The following HIP1 variants were observed in gnomAD, a reference collection of about 807,000 sequenced individuals.
HIP1 encodes the protein huntingtin-interacting protein 1.
Under a neutral mutation model 147.6 loss-of-function variants are expected in HIP1, and 65 were observed. The ratio of observed to expected loss-of-function variants is 0.44; its 90% CI spans 0.36 to 0.54. The LOEUF (loss-of-function observed/expected upper bound fraction) is 0.54. HIP1 is among the 20% of genes least tolerant of loss of function. The probability of loss-of-function intolerance (pLI) is 0.00; values close to 1 mark genes in which losing one functional copy is unlikely to be tolerated. For synonymous variants in HIP1, 479 were observed against 504.0 expected, an observed-to-expected ratio of 0.95 and a Z score of 0.67; for missense variants, 1,061 against 1,299.6, an observed-to-expected ratio of 0.82 and a Z score of 2.82.
intron 1 of HIP1, among the ~76,000 whole-genome samples, chr7:75,617,091 T>C (rs1194907003): frequency 6.6e-6 from 1 of 150,796 alleles, no homozygotes; most frequent in African/African-American, 2.4e-5. Flanking sequence ...TTTTTTTTTT[T>C]TTGAGATGGA....
intron 1 of HIP1, among the ~76,000 whole-genome samples, chr7:75,624,911 C>T (rs1797982092): frequency 6.6e-6 from 1 of 151,180 alleles, no homozygotes; most frequent in Non-Finnish European, 1.5e-5. Flanking sequence ...CCCTCTGTGT[C>T]TGTACATAGG....
chr7:75,715,089 G>A (rs1219689460), intron 1 of HIP1, among the ~76,000 whole-genome samples: 7 of 152,064 alleles, frequency 4.6e-5, no homozygotes, highest in Non-Finnish European at 7.4e-5. Flanking sequence ...TGCACATCGG[G>A]CAAGAAAACC....
chr7:75,682,342 G>A (rs1312476283), intron 1 of HIP1, among the ~76,000 whole-genome samples: 2 of 151,398 alleles, frequency 1.3e-5, no homozygotes, highest in Admixed American at 6.6e-5. Context: ...CTGCAGCCTC[G>A]AACTCCTGGG....
intron 1 of HIP1, among the ~76,000 whole-genome samples, chr7:75,602,013 T>G (rs1797001302): frequency 6.6e-6 from 1 of 151,326 alleles, no homozygotes; most frequent in African/African-American, 2.4e-5. Flanking sequence ...TTTTTTTTTT[T>G]CTGTTTAGAC....
intron 1 of HIP1, among the ~76,000 whole-genome samples, chr7:75,716,373 C>T (rs1277926378): frequency 6.6e-6 from 1 of 151,360 alleles, no homozygotes; most frequent in East Asian, 1.9e-4. Flanking sequence ...GATTAGCACA[C>T]CACCATGCCC....
At chr7:75,609,674 C>T (rs1797356330) in intron 1 of HIP1, among the ~76,000 whole-genome samples, 1 of 151,928 alleles carries the variant, frequency 6.6e-6, no homozygotes. Flanking sequence ...TCTTCTGCCT[C>T]AGTCTCCTGA....
At position 75,561,451 on chromosome 7, in the gene HIP1, T is replaced by C. The variant is rs587692667; in HGVS notation, c.1119-50A>G. ...TGCTTTCATAGTGCTTCTATCCCTC[T>C]GTTTTTAATTGTGAGCTCAGGGGAG... On this transcript the variant is annotated intron_variant, in intron 12 of 30. Transcript: ENST00000336926. 8 of 1,182,024 alleles carry C rather than the reference T, an allele frequency of 6.8e-6. No homozygotes were observed. The Admixed American group carries it at 1.2e-4, about 17-fold the overall frequency. 73.2% of individuals were successfully genotyped at this position (1,182,024 alleles called of 1,614,324 possible).
intron 1 of HIP1, among the ~76,000 whole-genome samples, chr7:75,602,700 T>C (rs1554503227): frequency 6.6e-6 from 1 of 151,768 alleles, no homozygotes. Context: ...TATCTCCTTA[T>C]ATATTTTCTT....
At chr7:75,573,367 G>A (rs1554497045) in intron 8 of HIP1, among the ~76,000 whole-genome samples, 3 of 152,170 alleles carry the variant, frequency 2.0e-5, no homozygotes, top group Non-Finnish European at 2.9e-5. Context: ...GGTACCCACT[G>A]CAGTCTCCTC....
Position 75,562,069 on chromosome 7 carries a change from T to C in HIP1, c.1118+4A>G. On this transcript the variant is annotated splice_donor_region_variant and intron_variant, in intron 12 of 30. Coordinates refer to ENST00000336926, the MANE Select transcript of HIP1 (RefSeq NM_005338.7). ...CCATCTGCTTGAACCCAGCTTGGACTCACTTCTCATCCTTGTTCACACCAT... is the reference window on the plus strand; with the variant it reads ...CCATCTGCTTGAACCCAGCTTGGACCCACTTCTCATCCTTGTTCACACCAT... 6.3e-7 allele frequency: 1 copy of C among 1,585,266 alleles called. No homozygotes were observed. The highest frequency in any genetic ancestry group is 8.7e-7 in the Non-Finnish European group (1 of 1,153,678).
intron 1 of HIP1, among the ~76,000 whole-genome samples, chr7:75,602,209 C>G (rs1306060446): frequency 6.6e-6 from 1 of 151,018 alleles, no homozygotes; most frequent in Non-Finnish European, 1.5e-5. Context: ...CTATGTTGAC[C>G]ATCCTGGTCT....
Position 75,737,660 on chromosome 7 carries a change from T to C in HIP1, c.120+1141A>G, listed in dbSNP as rs540446553. 3.3e-5 allele frequency among the ~76,000 whole-genome samples: 5 copies of C among 152,318 alleles called. No individual in the cohort carries two copies. The South Asian group carries it at 1.0e-3, about 32-fold the overall frequency. ...CGCGCCCGGCCAAAAGCTCTATTCT[T>C]TGAAAGATTCCATATACAGAACCTT... On this transcript the variant is annotated intron_variant, in intron 1 of 30. Transcript: ENST00000336926.
intron 1 of HIP1, among the ~76,000 whole-genome samples, chr7:75,732,600 C>T (rs554008474): frequency 6.6e-6 from 1 of 152,178 alleles, no homozygotes; most frequent in East Asian, 1.9e-4. Flanking sequence ...AGGCTGGTCT[C>T]GAACTCCTGG....
intron 1 of HIP1, among the ~76,000 whole-genome samples, chr7:75,720,953 G>A (rs62477605): frequency 0.023 from 3,460 of 150,204 alleles, 52 homozygotes; most frequent in Middle Eastern, 0.045. Context: ...CAGGAGAATC[G>A]CTTGAATCTG....
chr7:75,547,947 A>G, intron 23 of HIP1, 134 bp from the exon 24 acceptor site: 1 of 784,066 alleles, frequency 1.3e-6, no homozygotes. Flanking sequence ...CCCTGCCCAC[A>G]TTCTTGAGAG....
Position 75,556,820 on chromosome 7 carries a change from GA to G in HIP1, c.1582-10del. The G allele has an allele frequency of 6.4e-7, 1 of 1,553,682 alleles. No individual in the cohort carries two copies. Among genetic ancestry groups the G allele is most frequent in the Non-Finnish European group, 8.9e-7 (1 of 1,126,598 alleles). ...TCCAGCTGTTCTTGAGTCTGAAAGA[GA>G]AGAAAAACAGAGGGACTCTGATCTG... On this transcript the variant is annotated splice_polypyrimidine_tract_variant and intron_variant, in intron 16 of 30. Transcript: ENST00000336926.
chr7:75,730,224 G>C (rs113058832), intron 1 of HIP1, among the ~76,000 whole-genome samples: 13 of 152,008 alleles, frequency 8.6e-5, no homozygotes, highest in African/African-American at 3.1e-4. Flanking sequence ...ACAACGCCTT[G>C]GGGACCCCAA....
At chr7:75,692,707 G>A (rs1384676361) in intron 1 of HIP1, among the ~76,000 whole-genome samples, 1 of 151,776 alleles carries the variant, frequency 6.6e-6, no homozygotes, top group Non-Finnish European at 1.5e-5. Context: ...TGGGATTACA[G>A]GCATGAGCCA....
intron 1 of HIP1, among the ~76,000 whole-genome samples, chr7:75,642,121 G>A (rs976108387): frequency 1.3e-4 from 20 of 152,244 alleles, no homozygotes; most frequent in African/African-American, 2.6e-4. Context: ...ACAACAGGCC[G>A]GGTGCAGTGG....
Sources: gnomAD v4.1 joint callset for allele counts (sites outside exome capture counted in the v4.1 genomes callset) on GRCh38, gnomAD v4.1.1 for gene constraint, MANE v1.5 for transcripts, NCBI Gene and HGNC (gene_info 2026-07-23, HGNC 2026-07-21) for gene names.